Variants in PDE2A observed in about 807,000 individuals in gnomAD.
PDE2A encodes cGMP-dependent 3',5'-cyclic phosphodiesterase.
A neutral mutation model predicts 133.6 loss-of-function variants in PDE2A; 53 were observed. That is an observed-to-expected ratio of 0.40 (90% CI 0.32 to 0.50). PDE2A has a LOEUF of 0.50. Ranked by LOEUF, PDE2A falls within the 20% of genes least tolerant of loss-of-function variation. The probability of loss-of-function intolerance (pLI) is 0.73; values close to 1 mark genes in which losing one functional copy is unlikely to be tolerated. For synonymous variants in PDE2A, 491 were observed against 490.2 expected (o/e 1.00, Z -0.02); for missense variants, 796 against 1,232.4 (o/e 0.65, Z 5.30).
At chr11:72,629,357 G>A (rs528307052) in intron 2 of PDE2A, among the ~76,000 whole-genome samples, 3 of 152,230 alleles carry the variant, frequency 2.0e-5, no homozygotes, top group Non-Finnish European at 4.4e-5. Context: ...CGTTGCCCAG[G>A]AGGGTCTCAG....
intron 26 of PDE2A, 28 bp downstream of exon 26, chr11:72,579,506 A>T: frequency 1.9e-6 from 3 of 1,555,604 alleles, no homozygotes; most frequent in Non-Finnish European, 2.6e-6. Flanking sequence ...CTCCCCCTCA[A>T]TCCCCACCCC....
At chr11:72,635,037 A>T (rs1213348977) in intron 2 of PDE2A, among the ~76,000 whole-genome samples, 5 of 152,122 alleles carry the variant, frequency 3.3e-5, no homozygotes, top group African/African-American at 1.2e-4. Flanking sequence ...CACTGCTGCC[A>T]TTTCTGCCCA....
intron 2 of PDE2A, among the ~76,000 whole-genome samples, chr11:72,640,098 G>T (rs749549390): frequency 4.6e-5 from 7 of 151,552 alleles, no homozygotes; most frequent in Non-Finnish European, 1.0e-4. Flanking sequence ...GGGGAGAAAA[G>T]ATCACATAAT....
At chr11:72,579,062 T>C (rs541986920) in intron 27 of PDE2A, 53 bp from the exon 28 acceptor site, 1 of 1,357,452 alleles carries the variant, frequency 7.4e-7, no homozygotes, top group African/African-American at 1.4e-5. Context: ...TTTGCCCTTC[T>C]GAGGACAAGG....
chr11:72,608,429 T>C (rs1857063255), intron 3 of PDE2A, among the ~76,000 whole-genome samples: 1 of 152,236 alleles, frequency 6.6e-6, no homozygotes, highest in Non-Finnish European at 1.5e-5. Context: ...CCCTTCTGGC[T>C]CAGCCATTGC....
chr11:72,670,715 T>G (rs1855365808), intron 1 of PDE2A, among the ~76,000 whole-genome samples: 1 of 152,122 alleles, frequency 6.6e-6, no homozygotes, highest in Non-Finnish European at 1.5e-5. Flanking sequence ...CCTGGATCAT[T>G]GTGCCCCAGC....
intron 26 of PDE2A, 75 bp downstream of exon 26, chr11:72,579,459 T>C (rs542068591): frequency 6.4e-7 from 1 of 1,555,390 alleles, no homozygotes; most frequent in East Asian, 2.3e-5. Context: ...GAGCCTCCAC[T>C]CCTTGGCTCC....
intron 1 of PDE2A, among the ~76,000 whole-genome samples, chr11:72,671,005 G>A (rs1314293331): frequency 6.6e-6 from 1 of 152,150 alleles, no homozygotes; most frequent in African/African-American, 2.4e-5. Flanking sequence ...AGGCTGCACT[G>A]AGTCAGGTGC....
chr11:72,646,219 AG>A (rs1392417214), intron 1 of PDE2A, among the ~76,000 whole-genome samples: 8 of 152,184 alleles, frequency 5.3e-5, no homozygotes, highest in Non-Finnish European at 1.0e-4. Context: ...GGCCTGGAAA[AG>A]GTGACTCAGC....
chr11:72,642,381 G>A (rs773109561), intron 1 of PDE2A, 55 bp from the exon 2 acceptor site: 5 of 1,316,970 alleles, frequency 3.8e-6, no homozygotes, highest in Non-Finnish European at 4.9e-6. Context: ...GACCATGCTC[G>A]CAGCCGCCCG....
At chr11:72,671,936 G>T (rs1357988140) in intron 1 of PDE2A, among the ~76,000 whole-genome samples, 3 of 152,056 alleles carry the variant, frequency 2.0e-5, no homozygotes, top group Non-Finnish European at 4.4e-5. Flanking sequence ...TCCCTCATGA[G>T]ATCCTGACTT....
intron 13 of PDE2A, 139 bp from the exon 14 acceptor site, chr11:72,586,320 G>C (rs1023955606): frequency 6.3e-6 from 4 of 638,028 alleles, no homozygotes; most frequent in Non-Finnish European, 1.1e-5. Context: ...CCTTGGAACA[G>C]CTTCCCACCC....
Position 72,579,655 on chromosome 11 carries a change from C to T in PDE2A, c.2182-47G>A, listed in dbSNP as rs1441951134. 5.2e-6 allele frequency: 7 copies of T among 1,345,954 alleles called. No homozygotes were observed. The East Asian group carries it at 1.6e-4, about 31-fold the overall frequency. 83.4% of individuals were successfully genotyped at this position (1,345,954 alleles called of 1,614,324 possible). On this transcript the variant is annotated intron_variant, in intron 25 of 30. Coordinates refer to ENST00000334456, the MANE Select transcript of PDE2A (RefSeq NM_002599.5). The stretch of plus-strand genomic sequence containing the variant: ...GGGCCCAGCTGGGGCAGATGGGCTC[C>T]CTTACCATTGACCCCAAGAGAGGAA...
intron 2 of PDE2A, among the ~76,000 whole-genome samples, chr11:72,618,573 A>G (rs983848938): frequency 3.3e-5 from 5 of 152,162 alleles, no homozygotes; most frequent in African/African-American, 1.2e-4. Context: ...CACTCCCCTG[A>G]ACCCAGACCT....
intron 6 of PDE2A, among the ~76,000 whole-genome samples, chr11:72,593,042 G>A (rs1856321849): frequency 6.6e-6 from 1 of 151,932 alleles, no homozygotes; most frequent in Non-Finnish European, 1.5e-5. Context: ...CCCCTCTAAG[G>A]CTGTGGGGGC....
intron 4 of PDE2A, among the ~76,000 whole-genome samples, chr11:72,602,518 G>A (rs1228391270): frequency 6.6e-6 from 1 of 152,162 alleles, no homozygotes; most frequent in African/African-American, 2.4e-5. Context: ...CAGCCTGTAG[G>A]TCAGTCCCTC....
At chr11:72,595,224 C>A (rs1191427664) in intron 6 of PDE2A, among the ~76,000 whole-genome samples, 2 of 152,162 alleles carry the variant, frequency 1.3e-5, no homozygotes, top group Non-Finnish European at 2.9e-5. Context: ...GCACCTGGCA[C>A]CCCAGGCCCT....
At chr11:72,608,537 T>C (rs1448609537) in intron 3 of PDE2A, 125 bp downstream of exon 3, 34 of 608,844 alleles carry the variant, frequency 5.6e-5, no homozygotes, top group Non-Finnish European at 9.1e-5. Flanking sequence ...CACTTCCCCA[T>C]GAAAGTCCTC....
chr11:72,604,192 T>G (rs1856870983), intron 4 of PDE2A, among the ~76,000 whole-genome samples: 1 of 152,196 alleles, frequency 6.6e-6, no homozygotes, highest in African/African-American at 2.4e-5. Flanking sequence ...GCCACATCCT[T>G]CAGAGCCTGC....
Sources: allele counts gnomAD v4.1 joint callset (sites outside exome capture counted in the v4.1 genomes callset), GRCh38; gene constraint gnomAD v4.1.1; transcripts MANE v1.5; gene names NCBI Gene and HGNC (gene_info 2026-07-23, HGNC 2026-07-21).